EFL1: variants seen among roughly 807,000 people sequenced by gnomAD.
EFL1 encodes elongation factor like GTPase 1.
Under a neutral mutation model 126.7 loss-of-function variants are expected in EFL1, and 76 were observed. The observed-to-expected ratio is 0.60, with a 90% CI of 0.50 to 0.73. The LOEUF (loss-of-function observed/expected upper bound fraction) is 0.73, where lower values mean the gene tolerates loss of function less well. Among genes scored for constraint, EFL1 ranks in the 30% least tolerant of loss-of-function variants. The pLI is 0.00. For synonymous variants in EFL1, 410 were observed against 448.4 expected, an observed-to-expected ratio of 0.91 and a Z score of 1.08; for missense variants, 1,128 against 1,343.2, an observed-to-expected ratio of 0.84 and a Z score of 2.50.
chr15:82,171,043 A>G (rs2074130278), intron 15 of EFL1, among the ~76,000 whole-genome samples: 1 of 152,248 alleles, frequency 6.6e-6, no homozygotes, highest in East Asian at 1.9e-4. Context: ...CCAGGAAATC[A>G]TAACTGAATT....
chr15:82,139,320 A>G (rs538116076), intron 18 of EFL1, among the ~76,000 whole-genome samples: 2 of 152,356 alleles, frequency 1.3e-5, no homozygotes, highest in Admixed American at 1.3e-4. Flanking sequence ...AATTAAAACC[A>G]CACACATATA....
chr15:82,143,201 T>C (rs958235929), intron 18 of EFL1, among the ~76,000 whole-genome samples: 8 of 152,220 alleles, frequency 5.3e-5, no homozygotes, highest in Admixed American at 6.5e-5. Context: ...TCATATCCTA[T>C]TGATAAGATT....
Position 82,231,013 on chromosome 15 carries a change from T to C in EFL1, c.732-42A>G, listed in dbSNP as rs1057047727. On this transcript the variant is annotated intron_variant, in intron 7 of 19. Coordinates refer to ENST00000268206, the MANE Select transcript of EFL1 (RefSeq NM_024580.6). ...TGTTCATGTTATTAATAACAACGAT[T>C]ATTGATTTCTGTGACAGGTACTGTT... 4 of 1,599,242 alleles carry C rather than the reference T, an allele frequency of 2.5e-6. No homozygotes were observed. The African/African-American group carries it at 5.4e-5, about 22-fold the overall frequency.
At chr15:82,168,821 T>C (rs1595956293) in intron 15 of EFL1, among the ~76,000 whole-genome samples, 1 of 152,356 alleles carries the variant, frequency 6.6e-6, no homozygotes, top group East Asian at 1.9e-4. Context: ...ACATATTACT[T>C]CAAGATCTGT....
chr15:82,219,544 A>G (rs1239298533), intron 14 of EFL1, 108 bp downstream of exon 14: 2 of 1,264,226 alleles, frequency 1.6e-6, no homozygotes, highest in Non-Finnish European at 1.1e-6. Context: ...GTGCCTTTCC[A>G]GAGACAAACT....
At chr15:82,230,598 G>GA (rs1307141730) in intron 8 of EFL1, among the ~76,000 whole-genome samples, 3 of 149,208 alleles carry the variant, frequency 2.0e-5, no homozygotes, top group South Asian at 2.1e-4. Flanking sequence ...TTGGTCTTCT[G>GA]AAAAAAAAAG....
Position 82,227,552 on chromosome 15 carries a change from G to GTA in EFL1, c.1089_1090insTA (p.Pro364TyrfsTer15). The stretch of plus-strand genomic sequence containing the variant: ...TCAGCTGTAATATCAAGGGGACTAG[G>GTA]AAGTTTCTGACACACCATAGCTGAA... On this transcript the variant is annotated frameshift_variant, in exon 11 of 20. Coordinates refer to ENST00000268206, the MANE Select transcript of EFL1 (RefSeq NM_024580.6). LOFTEE classifies it high-confidence loss of function. 6.2e-7 allele frequency: 1 copy of GTA among 1,614,120 alleles called. No individual in the cohort carries two copies. The highest frequency in any genetic ancestry group is 2.2e-5 in the East Asian group (1 of 44,874).
chr15:82,130,586 T>C lies in EFL1; in HGVS notation c.3175-25A>G, dbSNP rs369624494. ...TCTTGTAAAAGAAGATGACAGAATG[T>C]GCAAGGTTAGGCATTTTTAATTTCA... On this transcript the variant is annotated intron_variant, in intron 19 of 19. Transcript: ENST00000268206. 3.9e-4 allele frequency: 624 copies of C among 1,611,028 alleles called. 5 individuals are homozygous for C. The South Asian group carries it at 6.4e-3, about 17-fold the overall frequency.
At chr15:82,140,032 T>C (rs1283461682) in intron 18 of EFL1, among the ~76,000 whole-genome samples, 1 of 152,216 alleles carries the variant, frequency 6.6e-6, no homozygotes. Flanking sequence ...AAATCTATTG[T>C]GTCACAACGC....
intron 7 of EFL1, among the ~76,000 whole-genome samples, chr15:82,236,968 G>T (rs2074879253): frequency 6.6e-6 from 1 of 152,018 alleles, no homozygotes; most frequent in Non-Finnish European, 1.5e-5. Context: ...GGTGAAACCT[G>T]GTCTCTACTA....
At chr15:82,220,418 A>G (rs1420949683) in intron 12 of EFL1, among the ~76,000 whole-genome samples, 189 bp from the exon 13 acceptor site, 2 of 152,190 alleles carry the variant, frequency 1.3e-5, no homozygotes, top group Non-Finnish European at 2.9e-5. Flanking sequence ...CTGTGTCCCA[A>G]CTATTCTGAG....
chr15:82,166,711 C>T (rs1226412428), intron 15 of EFL1, among the ~76,000 whole-genome samples: 1 of 152,162 alleles, frequency 6.6e-6, no homozygotes, highest in Non-Finnish European at 1.5e-5. Context: ...TACCCACAAT[C>T]CCATCATTCT....
At chr15:82,158,039 C>G (rs1567044291) in intron 16 of EFL1, among the ~76,000 whole-genome samples, 179 bp from the exon 17 acceptor site, 1 of 152,058 alleles carries the variant, frequency 6.6e-6, no homozygotes, top group Non-Finnish European at 1.5e-5. Context: ...TTTTTTTGTA[C>G]AGATAGCAAA....
chr15:82,133,715 G>C (rs981020006), intron 19 of EFL1, among the ~76,000 whole-genome samples: 1 of 152,104 alleles, frequency 6.6e-6, no homozygotes, highest in Non-Finnish European at 1.5e-5. Flanking sequence ...CTTTTGTCTG[G>C]AGGTAAAATT....
At chr15:82,145,691 G>C (rs937345928) in intron 18 of EFL1, among the ~76,000 whole-genome samples, 2 of 151,638 alleles carry the variant, frequency 1.3e-5, no homozygotes, top group South Asian at 4.2e-4. Flanking sequence ...AAAAATAGCC[G>C]GGAGTGGTGG....
chr15:82,210,400 C>T (rs2074571361), intron 15 of EFL1, among the ~76,000 whole-genome samples: 1 of 152,160 alleles, frequency 6.6e-6, no homozygotes, highest in Admixed American at 6.5e-5. Context: ...GGGTTGCTTA[C>T]CCATAAAACT....
intron 17 of EFL1, among the ~76,000 whole-genome samples, chr15:82,152,915 T>A (rs893077428): frequency 6.6e-6 from 1 of 152,252 alleles, no homozygotes. Context: ...AAGGCTAGCA[T>A]GATCCATGAG....
At chr15:82,164,405 G>C (rs4778979) in intron 15 of EFL1, among the ~76,000 whole-genome samples, 3,958 of 152,258 alleles carry the variant, frequency 0.026, 54 homozygotes, top group African/African-American at 0.041. Flanking sequence ...AGGGAATTTA[G>C]AAACTTAAAA....
intron 15 of EFL1, among the ~76,000 whole-genome samples, chr15:82,184,033 G>C (rs1595967479): frequency 2.6e-5 from 4 of 152,364 alleles, no homozygotes; most frequent in African/African-American, 9.6e-5. Flanking sequence ...GGTGGGTAAA[G>C]ATGTGAATCA....
Sources: gnomAD v4.1 joint callset for allele counts (sites outside exome capture counted in the v4.1 genomes callset) on GRCh38, gnomAD v4.1.1 for gene constraint, MANE v1.5 for transcripts, NCBI Gene and HGNC (gene_info 2026-07-23, HGNC 2026-07-21) for gene names.